The following CTNNA3 variants were observed in gnomAD, a reference collection of about 807,000 sequenced individuals.
CTNNA3 encodes catenin alpha-3.
In CTNNA3, 76 loss-of-function variants were observed where a neutral mutation model predicts 95.7. The ratio of observed to expected loss-of-function variants is 0.79; its 90% CI spans 0.66 to 0.96. CTNNA3 has a LOEUF of 0.96. Among genes scored for constraint, CTNNA3 ranks in the 40% least tolerant of loss-of-function variants. CTNNA3 has a pLI of 0.00. For missense variants in CTNNA3, 1,191 were observed against 1,089.8 expected (o/e 1.09, Z -1.31); for synonymous variants, 431 against 374.4 (o/e 1.15, Z -1.74).
At chr10:66,230,022 T>G (rs2089511157) in intron 13 of CTNNA3, among the ~76,000 whole-genome samples, 1 of 152,098 alleles carries the variant, frequency 6.6e-6, no homozygotes, top group Non-Finnish European at 1.5e-5. Flanking sequence ...GAAGTTTTTC[T>G]ATTGTATTTT....
At chr10:66,655,519 G>A (rs1564598341) in intron 9 of CTNNA3, among the ~76,000 whole-genome samples, 1 of 152,184 alleles carries the variant, frequency 6.6e-6, no homozygotes, top group Middle Eastern at 3.4e-3. Flanking sequence ...ATTCACTCAT[G>A]CTTTGCCCTG....
intron 3 of CTNNA3, among the ~76,000 whole-genome samples, chr10:67,580,103 G>T (rs1842329194): frequency 1.3e-5 from 2 of 152,086 alleles, no homozygotes; most frequent in Admixed American, 6.6e-5. Context: ...CATTGCTTTT[G>T]GTTTTTAACT....
intron 7 of CTNNA3, among the ~76,000 whole-genome samples, chr10:67,059,254 T>C (rs563435946): frequency 1.3e-5 from 2 of 152,170 alleles, no homozygotes; most frequent in Non-Finnish European, 2.9e-5. Flanking sequence ...AATAAATACA[T>C]AGAACCTTGA....
At chr10:66,353,072 T>C (rs1264997152) in intron 12 of CTNNA3, among the ~76,000 whole-genome samples, 5 of 152,136 alleles carry the variant, frequency 3.3e-5, no homozygotes, top group Admixed American at 1.3e-4. Context: ...ATTTTAAAGG[T>C]AGCCGGTTTT....
chr10:66,901,191 T>C (rs184804098), intron 7 of CTNNA3, among the ~76,000 whole-genome samples: 177 of 152,184 alleles, frequency 1.2e-3, no homozygotes, highest in African/African-American at 4.1e-3. Flanking sequence ...CAGCAGAAAC[T>C]CTACAAGCCA....
chr10:67,687,328 G>A (rs1336769912), intron 1 of CTNNA3, among the ~76,000 whole-genome samples: 1 of 152,214 alleles, frequency 6.6e-6, no homozygotes, highest in South Asian at 2.1e-4. Context: ...CTGGGGCAGT[G>A]AGCCTTCCAG....
chr10:67,051,545 C>T (rs1390337707), intron 7 of CTNNA3, among the ~76,000 whole-genome samples: 3 of 148,980 alleles, frequency 2.0e-5, no homozygotes, highest in South Asian at 2.1e-4. Context: ...CTGCAACCTC[C>T]GCCTTCCAGG....
chr10:66,877,524 C>T (rs1333234497), intron 7 of CTNNA3, among the ~76,000 whole-genome samples: 2 of 152,138 alleles, frequency 1.3e-5, no homozygotes, highest in African/African-American at 4.8e-5. Flanking sequence ...AATGCTTGCA[C>T]TGGAGCCAGG....
At chr10:66,638,458 G>A (rs564780584) in intron 9 of CTNNA3, among the ~76,000 whole-genome samples, 40 of 152,096 alleles carry the variant, frequency 2.6e-4, no homozygotes, top group African/African-American at 9.2e-4. Context: ...CCCAACTCTA[G>A]AAGTGGACTT....
intron 11 of CTNNA3, among the ~76,000 whole-genome samples, chr10:66,506,021 G>A (rs1302574228): frequency 2.0e-5 from 3 of 152,144 alleles, no homozygotes; most frequent in Admixed American, 6.6e-5. Context: ...GAGGGCTTCA[G>A]GCTGCTTCCA....
At chr10:66,580,170 G>A (rs540403764) in intron 10 of CTNNA3, among the ~76,000 whole-genome samples, 1 of 151,450 alleles carries the variant, frequency 6.6e-6, no homozygotes, top group South Asian at 2.1e-4. Flanking sequence ...TATTTTATTG[G>A]TTAATATTTT....
intron 5 of CTNNA3, among the ~76,000 whole-genome samples, chr10:67,456,876 C>CT (rs1470827190): frequency 6.6e-6 from 1 of 152,016 alleles, no homozygotes; most frequent in Non-Finnish European, 1.5e-5. Context: ...GACTACTGCC[C>CT]TGAAAATAGA....
At chr10:66,305,852 C>G (rs1361721909) in intron 12 of CTNNA3, among the ~76,000 whole-genome samples, 2 of 152,176 alleles carry the variant, frequency 1.3e-5, no homozygotes, top group African/African-American at 4.8e-5. Flanking sequence ...GGCAAATTCT[C>G]TCTCTCTTAT....
chr10:66,259,117 C>A (rs866498134), intron 13 of CTNNA3, among the ~76,000 whole-genome samples: 6 of 152,192 alleles, frequency 3.9e-5, no homozygotes, highest in African/African-American at 1.4e-4. Context: ...TTATATCATC[C>A]AGGTTACGAT....
chr10:66,638,495 A>C (rs10997280), intron 9 of CTNNA3, among the ~76,000 whole-genome samples: 4,524 of 152,242 alleles, frequency 0.03, 371 homozygotes, highest in East Asian at 0.24. Flanking sequence ...AATTATATTC[A>C]ATTGATATTA....
At chr10:67,196,009 T>A (rs1459016933) in intron 6 of CTNNA3, among the ~76,000 whole-genome samples, 1 of 152,038 alleles carries the variant, frequency 6.6e-6, no homozygotes, top group Non-Finnish European at 1.5e-5. Context: ...ACACATGCTA[T>A]GCTTCACGTT....
intron 5 of CTNNA3, among the ~76,000 whole-genome samples, chr10:67,229,321 T>C (rs1200302774): frequency 6.6e-6 from 1 of 152,098 alleles, no homozygotes; most frequent in Non-Finnish European, 1.5e-5. Context: ...CATACCTCAA[T>C]GGAATAAAAG....
chr10:67,628,903 G>A (rs1219861787), intron 2 of CTNNA3, among the ~76,000 whole-genome samples: 1 of 151,626 alleles, frequency 6.6e-6, no homozygotes, highest in East Asian at 1.9e-4. Flanking sequence ...TGAAGTATGG[G>A]TCTTCAAAGA....
intron 5 of CTNNA3, among the ~76,000 whole-genome samples, chr10:67,430,723 A>G (rs1280622284): frequency 6.6e-6 from 1 of 151,638 alleles, no homozygotes; most frequent in Non-Finnish European, 1.5e-5. Context: ...CCTTTAATGC[A>G]GCTTAGGGTC....
Sources: gnomAD v4.1 joint callset for allele counts (sites outside exome capture counted in the v4.1 genomes callset) on GRCh38, gnomAD v4.1.1 for gene constraint, MANE v1.5 for transcripts, NCBI Gene and HGNC (gene_info 2026-07-23, HGNC 2026-07-21) for gene names.